Variants in PIK3CD observed in about 807,000 individuals in gnomAD.
PIK3CD encodes phosphatidylinositol 4,5-bisphosphate 3-kinase catalytic subunit delta isoform.
In PIK3CD, 20 loss-of-function variants were observed where a neutral mutation model predicts 122.9. That is an observed-to-expected ratio of 0.16 (90% CI 0.11 to 0.24). The LOEUF (loss-of-function observed/expected upper bound fraction) is 0.24, where lower values mean the gene tolerates loss of function less well. Ranked by LOEUF, PIK3CD falls within the 10% of genes least tolerant of loss-of-function variation. The pLI is 1.00. For missense variants in PIK3CD, 787 were observed against 1,406.3 expected (o/e 0.56, Z 7.04); for synonymous variants, 596 against 593.4 (o/e 1.00, Z -0.06).
At chr1:9,692,724 C>T (rs1300237835) in intron 2 of PIK3CD, among the ~76,000 whole-genome samples, 1 of 151,796 alleles carries the variant, frequency 6.6e-6, no homozygotes, top group African/African-American at 2.4e-5. Flanking sequence ...AGTGAGACTC[C>T]GTCTCAAAAA....
rs574025710 is a variant in PIK3CD at position 9,719,760 on chromosome 1, A to T, written c.1243-161A>T. Among the ~76,000 whole-genome samples the T allele has an allele frequency of 2.0e-5, 3 of 151,884 alleles. No homozygotes were observed. In the South Asian group the frequency reaches 6.3e-4, roughly 32 times the overall value. On this transcript the variant is annotated intron_variant, in intron 9 of 23. Coordinates refer to ENST00000377346, the MANE Select transcript of PIK3CD (RefSeq NM_005026.5). The surrounding 1 kb of genome is among the most constrained non-coding windows in gnomAD (Gnocchi z 5.5). ...TGGAGCCCTCAGAGGAAAGAGGAAA[A>T]AGCGGCTCCTCTCCTTCCCCAAGCA...
At chr1:9,695,639 C>T (rs1041554765) in intron 2 of PIK3CD, among the ~76,000 whole-genome samples, 36 of 152,072 alleles carry the variant, frequency 2.4e-4, no homozygotes, top group Admixed American at 1.7e-3. Context: ...GTCAGGAGTT[C>T]AAGACCAGCC....
chr1:9,647,202 C>T (rs185827934), upstream of PIK3CD, among the ~76,000 whole-genome samples: 20 of 151,202 alleles, frequency 1.3e-4, no homozygotes, highest in East Asian at 3.9e-3. Context: ...TTGCTTGAGT[C>T]CAGGAGTTTG....
At chr1:9,647,331 T>G (rs1644617951), upstream of PIK3CD, among the ~76,000 whole-genome samples, 1 of 150,662 alleles carries the variant, frequency 6.6e-6, no homozygotes, top group African/African-American at 2.4e-5. Context: ...GAGACAGAGG[T>G]TGCAGTGAGT....
At chr1:9,692,387 T>C (rs557740297) in intron 2 of PIK3CD, among the ~76,000 whole-genome samples, 2 of 152,318 alleles carry the variant, frequency 1.3e-5, no homozygotes, top group African/African-American at 2.4e-5. Context: ...TAGATCTTCA[T>C]TGGTACTTTC....
At chr1:9,726,369 T>C (rs570703088) in intron 23 of PIK3CD, among the ~76,000 whole-genome samples, 147 of 151,516 alleles carry the variant, frequency 9.7e-4, no homozygotes, top group Non-Finnish European at 1.5e-3. Flanking sequence ...ATTAGCCAGG[T>C]GTGGTGGCGG....
rs1648319399 is a variant in PIK3CD, at chr1:9,720,298, C to T, written c.1470+56C>T. ...GGGGCTGGCGCGGAGCTCTCCTGGC[C>T]CTGCTCCTGGAGCTCTTCAGAGGGT... On this transcript the variant is annotated intron_variant, in intron 11 of 23. Transcript: ENST00000377346. The surrounding 1 kb of genome is among the most constrained non-coding windows in gnomAD (Gnocchi z 9.0). 7.0e-6 allele frequency: 11 copies of T among 1,565,836 alleles called. No individual in the cohort carries two copies. In the South Asian group the frequency reaches 1.2e-4, roughly 17 times the overall value.
At chr1:9,645,205 A>C in the PIK3CD span, among the ~76,000 whole-genome samples, 1 of 151,522 alleles carries the variant, frequency 6.6e-6, no homozygotes, top group Non-Finnish European at 1.5e-5. Context: ...GTTTTAGTAG[A>C]GATGAGGTTT....
the PIK3CD span, among the ~76,000 whole-genome samples, chr1:9,636,513 C>T: frequency 1.3e-5 from 2 of 152,094 alleles, no homozygotes; most frequent in Non-Finnish European, 2.9e-5. Context: ...GTTTTTTCAG[C>T]GGAAGACACC....
rs573909435 is a variant in PIK3CD, at chr1:9,726,380, CT to C, written c.2998-528del. On this transcript the variant is annotated intron_variant, in intron 23 of 23. Transcript: ENST00000377346. Reference sequence around the variant, plus strand: ...AAAAATTAGCCAGGTGTGGTGGCGGCTGCCTGTAGTCCCAGCTACTTGGGAG... The same window carrying C: ...AAAAATTAGCCAGGTGTGGTGGCGGCGCCTGTAGTCCCAGCTACTTGGGAG... 1.3e-3 allele frequency among the ~76,000 whole-genome samples: 198 copies of C among 151,156 alleles called. 2 individuals are homozygous for C. Among genetic ancestry groups the C allele is most frequent in the African/African-American group, 4.6e-3 (191 of 41,148 alleles).
In PIK3CD at chr1:9,651,768, C is replaced by T. The variant is rs935826697; in HGVS notation, c.-172C>T. ...CGCAGTCGCTCCGAGCGGCCGCGAG[C>T]AGAGCCGCCCAGCCCTGCCAGCTGC... On this transcript the variant is annotated 5_prime_UTR_variant, in exon 1 of 24. Transcript: ENST00000377346. 7.2e-5 allele frequency: 11 copies of T among 151,754 alleles called. No individual in the cohort carries two copies. The highest frequency in any genetic ancestry group is 1.6e-4 in the Non-Finnish European group (11 of 67,884). The allele number at this position is 151,754 out of a possible 1,614,324, so 9.4% of individuals were successfully genotyped here. A position where few individuals can be genotyped will look rare whatever the true frequency, so the allele number is the denominator to read the frequency against.
chr1:9,655,066 CAAAAAAA>C (rs201406696), intron 1 of PIK3CD, among the ~76,000 whole-genome samples: 7 of 124,864 alleles, frequency 5.6e-5, no homozygotes, highest in South Asian at 4.8e-4. Context: ...GACTACATTT[CAAAAAAA>C]AAAAAAAGAA....
At chr1:9,648,132 A>G (rs987142260), upstream of PIK3CD, among the ~76,000 whole-genome samples, 1 of 152,188 alleles carries the variant, frequency 6.6e-6, no homozygotes, top group African/African-American at 2.4e-5. Context: ...AGAAAAGGGG[A>G]GATGATAGAA....
chr1:9,703,954 A>G (rs1646742101), intron 2 of PIK3CD, among the ~76,000 whole-genome samples: 1 of 152,158 alleles, frequency 6.6e-6, no homozygotes, highest in Non-Finnish European at 1.5e-5. Flanking sequence ...AGTTTTCCAA[A>G]GCAGTTGTAC....
the PIK3CD span, among the ~76,000 whole-genome samples, chr1:9,641,967 A>C: frequency 6.6e-6 from 1 of 152,198 alleles, no homozygotes; most frequent in African/African-American, 2.4e-5. Context: ...TGGAACCTAC[A>C]GTAAGAAATG....
chr1:9,650,091 T>C (rs1479329070), upstream of PIK3CD, among the ~76,000 whole-genome samples: 1 of 151,964 alleles, frequency 6.6e-6, no homozygotes, highest in Non-Finnish European at 1.5e-5. Context: ...AAAGCTCATA[T>C]AACATCCTAC....
intron 1 of PIK3CD, chr1:9,654,451 CT>C: frequency 7.4e-7 from 1 of 1,355,314 alleles, no homozygotes; most frequent in Non-Finnish European, 9.9e-7. Context: ...CCCTGGGGGG[CT>C]TACAGGACAG....
chr1:9,724,728 G>A lies in PIK3CD; in HGVS notation c.2865-76G>A. ...GGCAGGTGTCCTTGGGGAAGGGGCT[G>A]GTTGGATGCAGAGCGGCCCTCTGGC... On this transcript the variant is annotated intron_variant, in intron 22 of 23. Transcript: ENST00000377346. The surrounding 1 kb of genome is among the most constrained non-coding windows in gnomAD (Gnocchi z 7.3). The A allele has an allele frequency of 1.9e-6, 3 of 1,580,932 alleles. No homozygotes were observed. Among genetic ancestry groups the A allele is most frequent in the Non-Finnish European group, 2.6e-6 (3 of 1,152,220 alleles).
the PIK3CD span, among the ~76,000 whole-genome samples, chr1:9,640,819 C>A: frequency 6.6e-6 from 1 of 152,190 alleles, no homozygotes; most frequent in Non-Finnish European, 1.5e-5. Context: ...CAGCTGCCCC[C>A]TCCCGCATCC....
Sources: gnomAD v4.1 joint callset for allele counts (sites outside exome capture counted in the v4.1 genomes callset) on GRCh38, gnomAD v4.1.1 for gene constraint, Gnocchi (gnomAD v3.1) non-coding constraint, MANE v1.5 for transcripts, NCBI Gene and HGNC (gene_info 2026-07-23, HGNC 2026-07-21) for gene names.